TMCO4: variants seen among roughly 807,000 people sequenced by gnomAD.
TMCO4 encodes the protein transmembrane and coiled-coil domains 4, also known as transmembrane and coiled-coil domain-containing protein 4.
Under a neutral mutation model 64.7 loss-of-function variants are expected in TMCO4, and 58 were observed. The ratio of observed to expected loss-of-function variants is 0.90; its 90% CI spans 0.73 to 1.12. The LOEUF is 1.12. TMCO4 is among the 50% of genes most tolerant of loss of function. The pLI is 0.00. For missense variants in TMCO4, 780 were observed against 825.9 expected (o/e 0.94, Z 0.68); for synonymous variants, 325 against 346.1 (o/e 0.94, Z 0.68).
At position 19,694,512 on chromosome 1, in the gene TMCO4, C is replaced by T. The variant is rs750523712; in HGVS notation, c.1422G>A (p.Ser474=). ...GTAGGCCGGCGACACGGAGCTGCAC[C>T]GAGGATGTGCGGTACACGAAACTCA... is the stretch of plus-strand genomic sequence containing the variant. ...WLLSFVYRTS[S]VQLRVAGLQP... The change falls in exon 15 of 16, where the codon TCG becomes TCA. Residue 474 remains serine (S), a synonymous_variant. Coordinates refer to ENST00000294543, the MANE Select transcript of TMCO4 (RefSeq NM_181719.7). 4.2e-5 allele frequency: 67 copies of T among 1,613,962 alleles called. No individual in the cohort carries two copies. The highest frequency in any genetic ancestry group is 1.2e-4 in the South Asian group (11 of 91,074).
At chr1:19,772,083 G>A (rs866514371) in intron 4 of TMCO4, among the ~76,000 whole-genome samples, 18 of 152,184 alleles carry the variant, frequency 1.2e-4, no homozygotes, top group Middle Eastern at 3.2e-3. Context: ...TGCCAGGGGC[G>A]ACGAATAAAG....
chr1:19,744,200 T>C (rs2041661881), intron 10 of TMCO4, among the ~76,000 whole-genome samples: 2 of 152,162 alleles, frequency 1.3e-5, no homozygotes, highest in African/African-American at 4.8e-5. Flanking sequence ...TTCTAAGGGA[T>C]GCACTGTTTG....
intron 6 of TMCO4, among the ~76,000 whole-genome samples, chr1:19,768,457 A>G (rs1251270066): frequency 2.1e-4 from 32 of 152,194 alleles, no homozygotes; most frequent in Admixed American, 2.1e-3. Flanking sequence ...GTAATGAAAT[A>G]TATGACAACT....
At chr1:19,759,101 CAA>C (rs1163885215) in intron 6 of TMCO4, among the ~76,000 whole-genome samples, 677 of 21,122 alleles carry the variant, frequency 0.032, 2 homozygotes, top group African/African-American at 0.087. Context: ...GACTCGGTCT[CAA>C]AAAAAAAAAA....
At chr1:19,796,513 C>T (rs2044315916) in intron 2 of TMCO4, among the ~76,000 whole-genome samples, 1 of 152,142 alleles carries the variant, frequency 6.6e-6, no homozygotes, top group Non-Finnish European at 1.5e-5. Context: ...GTTATTCATA[C>T]CAGTGTAAGA....
chr1:19,721,330 G>T (rs1277507545), intron 13 of TMCO4, among the ~76,000 whole-genome samples: 3 of 152,180 alleles, frequency 2.0e-5, no homozygotes, highest in Admixed American at 6.5e-5. Context: ...CTTCAGCAGA[G>T]AATTTGTTTC....
rs529269220 is a variant in TMCO4 at position 19,734,383 on chromosome 1, T to G, written c.1264+2989A>C. 6.6e-6 allele frequency among the ~76,000 whole-genome samples: 1 copy of G among 152,072 alleles called. No individual in the cohort carries two copies. Among genetic ancestry groups the G allele is most frequent in the Non-Finnish European group, 1.5e-5 (1 of 68,002 alleles). On this transcript the variant is annotated intron_variant, in intron 13 of 15. Coordinates refer to ENST00000294543, the MANE Select transcript of TMCO4 (RefSeq NM_181719.7). The surrounding 1 kb of genome is among the most constrained non-coding windows in gnomAD (Gnocchi z 4.4). ...ATGCGTGTATGAATGTGTGCAGGTG[T>G]GTGTGTGAGTGTGCATATGTGCGCA... is the stretch of plus-strand genomic sequence containing the variant.
intron 2 of TMCO4, among the ~76,000 whole-genome samples, chr1:19,794,330 G>C (rs138888535): frequency 6.4e-4 from 97 of 152,276 alleles, no homozygotes; most frequent in African/African-American, 2.1e-3. Flanking sequence ...TCCCAATTCT[G>C]TATCAGTTAC....
intron 6 of TMCO4, among the ~76,000 whole-genome samples, chr1:19,762,308 G>C (rs966318597): frequency 6.6e-6 from 1 of 152,160 alleles, no homozygotes; most frequent in African/African-American, 2.4e-5. Context: ...TAAAAGTTAC[G>C]TATCACGGGA....
In TMCO4 at chr1:19,746,380, C is replaced by A. The variant is rs934606529; in HGVS notation, c.757+76G>T. ...CCAGGGAGTCACTGCTGGTGAGGAT[C>A]CAGGCATGTCCTTTTAGGAACTGGG... On this transcript the variant is annotated intron_variant, in intron 9 of 15. Coordinates refer to ENST00000294543, the MANE Select transcript of TMCO4 (RefSeq NM_181719.7). The A allele has an allele frequency of 8.2e-6, 13 of 1,579,482 alleles. No individual in the cohort carries two copies. The South Asian group carries it at 9.2e-5, about 11-fold the overall frequency.
At chr1:19,706,914 T>A (rs1268569728) in intron 13 of TMCO4, among the ~76,000 whole-genome samples, 2 of 152,252 alleles carry the variant, frequency 1.3e-5, no homozygotes, top group South Asian at 2.1e-4. Context: ...TTGGATTTGG[T>A]GATGATTGCA....
At chr1:19,730,428 T>C (rs141331365) in intron 13 of TMCO4, among the ~76,000 whole-genome samples, 2 of 152,386 alleles carry the variant, frequency 1.3e-5, no homozygotes, top group African/African-American at 4.8e-5. Flanking sequence ...TCCTGACTGA[T>C]ACACTGTGAA....
chr1:19,735,302 C>G (rs2095448935), intron 13 of TMCO4, among the ~76,000 whole-genome samples: 1 of 152,206 alleles, frequency 6.6e-6, no homozygotes, highest in Non-Finnish European at 1.5e-5. Context: ...GTGTACAAAG[C>G]TCATATCCTT....
chr1:19,697,345 C>T (rs2095243506), intron 14 of TMCO4, among the ~76,000 whole-genome samples: 1 of 152,174 alleles, frequency 6.6e-6, no homozygotes, highest in Non-Finnish European at 1.5e-5. Context: ...GCAGCCTCTG[C>T]CTCCTGGGCT....
chr1:19,785,307 C>T (rs1366838281), intron 3 of TMCO4, among the ~76,000 whole-genome samples: 2 of 152,204 alleles, frequency 1.3e-5, no homozygotes, highest in Admixed American at 6.5e-5. Flanking sequence ...TGTCTTCTAT[C>T]TCAGCACCCT....
chr1:19,771,582 G>T, intron 4 of TMCO4, 100 bp from the exon 5 acceptor site: 1 of 1,199,730 alleles, frequency 8.3e-7, no homozygotes, highest in Non-Finnish European at 1.1e-6. Flanking sequence ...CAGCTGGCAC[G>T]TGCCTGACTT....
At chr1:19,698,263 C>A (rs1462947980) in intron 14 of TMCO4, among the ~76,000 whole-genome samples, 1 of 152,190 alleles carries the variant, frequency 6.6e-6, no homozygotes, top group Non-Finnish European at 1.5e-5. Flanking sequence ...GCAGAGCCCA[C>A]AGGGTGGCCT....
chr1:19,746,557 G>C lies in TMCO4; in HGVS notation c.656C>G (p.Ala219Gly). 6.2e-7 allele frequency: 1 copy of C among 1,611,148 alleles called. No individual in the cohort carries two copies. Among genetic ancestry groups the C allele is most frequent in the African/African-American group, 1.3e-5 (1 of 75,028 alleles). ...CCCGGCGCTGCCAATAATCGTCGCT[G>C]CTCCAGCGGCAACAAGGGGTGCAGC... is the stretch of plus-strand genomic sequence containing the variant. ...GLAAPLVAAG[A>G]ATIIGSAGAA... Residue 219 changes from alanine to glycine, a missense_variant, in exon 9 of 16, where the codon GCA (alanine) becomes GGA (glycine). Transcript: ENST00000294543.
At chr1:19,691,973 G>A (rs143839852) in intron 15 of TMCO4, among the ~76,000 whole-genome samples, 2 of 152,268 alleles carry the variant, frequency 1.3e-5, no homozygotes, top group South Asian at 2.1e-4. Context: ...CATGTAAGAC[G>A]TGCCTTTCAC....
Sources: allele counts gnomAD v4.1 joint callset (sites outside exome capture counted in the v4.1 genomes callset), GRCh38; gene constraint gnomAD v4.1.1; non-coding constraint Gnocchi (gnomAD v3.1); transcripts MANE v1.5; gene names NCBI Gene and HGNC (gene_info 2026-07-23, HGNC 2026-07-21).